LUZP2: variants seen among roughly 807,000 people sequenced by gnomAD.
LUZP2 encodes the protein leucine zipper protein 2.
Under a neutral mutation model 51.6 loss-of-function variants are expected in LUZP2, and 52 were observed. The ratio of observed to expected loss-of-function variants is 1.01; its 90% CI spans 0.81 to 1.27. The LOEUF is 1.27. LUZP2 is among the 50% of genes most tolerant of loss of function. The pLI is 0.00. For synonymous variants in LUZP2, 154 were observed against 137.3 expected (o/e 1.12, Z -0.85); for missense variants, 436 against 395.4 (o/e 1.10, Z -0.87).
At chr11:24,748,144 A>G (rs538693334) in intron 4 of LUZP2, among the ~76,000 whole-genome samples, 1 of 152,108 alleles carries the variant, frequency 6.6e-6, no homozygotes. Flanking sequence ...GTTTCCCCTG[A>G]CACCCCTCCT....
chr11:24,628,448 C>T (rs79929646), intron 1 of LUZP2, among the ~76,000 whole-genome samples: 2,493 of 152,244 alleles, frequency 0.016, 69 homozygotes, highest in African/African-American at 0.057. Context: ...TAGCTTTAAT[C>T]CTTAAGATGC....
intron 1 of LUZP2, among the ~76,000 whole-genome samples, chr11:24,576,171 G>T (rs1852638523): frequency 2.0e-5 from 3 of 151,998 alleles, no homozygotes; most frequent in African/African-American, 7.2e-5. Context: ...CCAGCACTTT[G>T]GGATGCAGAG....
At chr11:24,706,818 T>C (rs2133921693) in intron 1 of LUZP2, among the ~76,000 whole-genome samples, 1 of 109,276 alleles carries the variant, frequency 9.2e-6, no homozygotes, top group Middle Eastern at 4.8e-3. Context: ...TCAGATCTCT[T>C]TATTTTTTAT....
chr11:25,076,753 T>A (rs999689719), intron 10 of LUZP2, among the ~76,000 whole-genome samples: 2 of 40,528 alleles, frequency 4.9e-5, no homozygotes, highest in African/African-American at 9.0e-5. Flanking sequence ...TTTTTTAATT[T>A]ATTTTTTTTT....
At chr11:24,927,411 G>T (rs900042655) in intron 7 of LUZP2, among the ~76,000 whole-genome samples, 1 of 151,908 alleles carries the variant, frequency 6.6e-6, no homozygotes, top group Non-Finnish European at 1.5e-5. Context: ...TTAACTATTT[G>T]ATCCATCTTG....
intron 1 of LUZP2, among the ~76,000 whole-genome samples, chr11:24,555,507 T>C (rs1236739458): frequency 6.6e-6 from 1 of 152,168 alleles, no homozygotes; most frequent in Non-Finnish European, 1.5e-5. Flanking sequence ...GCAGAAGTTT[T>C]ACAGAACTGG....
intron 4 of LUZP2, among the ~76,000 whole-genome samples, chr11:24,749,088 C>T (rs1859484252): frequency 6.6e-6 from 1 of 152,044 alleles, no homozygotes; most frequent in South Asian, 2.1e-4. Context: ...ATAGCCATAC[C>T]CCCTTCTAAG....
chr11:24,961,209 A>C (rs1381544860), intron 7 of LUZP2, among the ~76,000 whole-genome samples: 2 of 152,140 alleles, frequency 1.3e-5, no homozygotes, highest in Non-Finnish European at 2.9e-5. Context: ...GGTGCTGAAA[A>C]AAATGTATAT....
At chr11:24,654,583 A>G (rs960758827) in intron 1 of LUZP2, among the ~76,000 whole-genome samples, 2 of 151,518 alleles carry the variant, frequency 1.3e-5, no homozygotes, top group African/African-American at 2.4e-5. Context: ...GCTCACTGCA[A>G]CCTCCGCCTC....
intron 9 of LUZP2, among the ~76,000 whole-genome samples, chr11:25,028,262 C>T (rs191390189): frequency 2.6e-5 from 4 of 152,134 alleles, no homozygotes; most frequent in Admixed American, 6.6e-5. Flanking sequence ...AAATTATTGT[C>T]GACTGTAATC....
chr11:24,680,034 T>C (rs1297702641), intron 1 of LUZP2, among the ~76,000 whole-genome samples: 1 of 152,128 alleles, frequency 6.6e-6, no homozygotes, highest in East Asian at 1.9e-4. Context: ...TTTGTAGACA[T>C]TGGCATTTAC....
intron 9 of LUZP2, among the ~76,000 whole-genome samples, chr11:25,005,642 G>A (rs1317860965): frequency 6.6e-6 from 1 of 152,064 alleles, no homozygotes; most frequent in Non-Finnish European, 1.5e-5. Flanking sequence ...CGCTGCCCAA[G>A]AACCCGCAAT....
intron 5 of LUZP2, among the ~76,000 whole-genome samples, chr11:24,870,722 T>A (rs534229058): frequency 6.6e-6 from 1 of 152,272 alleles, no homozygotes; most frequent in South Asian, 2.1e-4. Flanking sequence ...TGCCACAGAC[T>A]ATTACTTATA....
At chr11:24,862,346 G>A (rs964053291) in intron 5 of LUZP2, among the ~76,000 whole-genome samples, 4 of 152,132 alleles carry the variant, frequency 2.6e-5, no homozygotes, top group African/African-American at 9.7e-5. Flanking sequence ...ACAAGCAAGT[G>A]CTGAGGTATT....
At chr11:24,774,362 C>CTCTCTCTCTCTCTA (rs776739280) in intron 5 of LUZP2, among the ~76,000 whole-genome samples, 339 of 76,244 alleles carry the variant, frequency 4.4e-3, no homozygotes, top group Non-Finnish European at 6.1e-3. Flanking sequence ...CTCTCTCTCT[C>CTCTCTCTCTCTCTA]TATATATATA....
chr11:24,880,314 G>T (rs551723285), intron 5 of LUZP2, among the ~76,000 whole-genome samples: 3 of 151,924 alleles, frequency 2.0e-5, no homozygotes, highest in Non-Finnish European at 4.4e-5. Flanking sequence ...TGAGGCTGCT[G>T]CCAGGGCATG....
At chr11:25,018,391 A>G (rs999427351) in intron 9 of LUZP2, among the ~76,000 whole-genome samples, 1 of 152,016 alleles carries the variant, frequency 6.6e-6, no homozygotes, top group Non-Finnish European at 1.5e-5. Flanking sequence ...CACTCAAGGG[A>G]AAGGAATTTA....
At chr11:24,533,726 G>A (rs936344120) in intron 1 of LUZP2, among the ~76,000 whole-genome samples, 17 of 150,954 alleles carry the variant, frequency 1.1e-4, no homozygotes, top group Admixed American at 6.6e-4. Context: ...GCTTTTGTAC[G>A]AGTTCTTGTG....
intron 5 of LUZP2, among the ~76,000 whole-genome samples, chr11:24,896,209 C>T (rs116866077): frequency 2.1e-4 from 32 of 152,348 alleles, no homozygotes; most frequent in East Asian, 7.7e-4. Context: ...CCCTTCAGTC[C>T]GCCACTGCAC....
Sources: gnomAD v4.1 joint callset for allele counts (sites outside exome capture counted in the v4.1 genomes callset) on GRCh38, gnomAD v4.1.1 for gene constraint, MANE v1.5 for transcripts, NCBI Gene and HGNC (gene_info 2026-07-23, HGNC 2026-07-21) for gene names.